The following PPP2R3B variants were observed in gnomAD, a reference collection of about 807,000 sequenced individuals.
PPP2R3B encodes serine/threonine-protein phosphatase 2A regulatory subunit B'' subunit beta.
Under a neutral mutation model 72.9 loss-of-function variants are expected in PPP2R3B, and 68 were observed. The ratio of observed to expected loss-of-function variants is 0.93; its 90% CI spans 0.77 to 1.14. The LOEUF (loss-of-function observed/expected upper bound fraction) is 1.14. Among genes scored for constraint, PPP2R3B ranks in the 50% most tolerant of loss-of-function variants. The probability of loss-of-function intolerance (pLI) is 0.00; values close to 1 mark genes in which losing one functional copy is unlikely to be tolerated. For missense variants in PPP2R3B, 1,018 were observed against 842.0 expected (o/e 1.21, Z -2.59); for synonymous variants, 466 against 375.8 (o/e 1.24, Z -2.78).
At chrX:338,121 G>A (rs1301133639) in intron 12 of PPP2R3B, 3 of 187,986 alleles carry the variant, frequency 1.6e-5, no homozygotes, top group Non-Finnish European at 3.3e-5. Flanking sequence ...AGGCGAACAC[G>A]TCGCAAATAA....
At chrX:380,457 C>T (rs2072098111) in intron 1 of PPP2R3B, among the ~76,000 whole-genome samples, 1 of 152,140 alleles carries the variant, frequency 6.6e-6, no homozygotes, top group Admixed American at 6.6e-5. Flanking sequence ...GAAAATTCCT[C>T]GGCGTCACCA....
chrX:339,375 G>A (rs982574473), intron 10 of PPP2R3B, among the ~76,000 whole-genome samples: 1 of 104,986 alleles, frequency 9.5e-6, no homozygotes, highest in Non-Finnish European at 1.9e-5. Context: ...CAGGCGGCGT[G>A]GACGGTGGGG....
intron 1 of PPP2R3B, among the ~76,000 whole-genome samples, chrX:375,518 T>G (rs1327634547): frequency 7.2e-6 from 1 of 138,180 alleles, no homozygotes; most frequent in Non-Finnish European, 1.5e-5. Context: ...GGGCACAAAC[T>G]CACAGGGCAG....
intron 1 of PPP2R3B, among the ~76,000 whole-genome samples, chrX:377,731 C>A (rs1603134128): frequency 7.3e-6 from 1 of 136,106 alleles, no homozygotes; most frequent in East Asian, 2.3e-4. Context: ...GCCGTCCACA[C>A]CCAGTGGGGC....
chrX:371,651 C>A (rs1022490201), intron 1 of PPP2R3B, among the ~76,000 whole-genome samples: 3 of 152,166 alleles, frequency 2.0e-5, no homozygotes, highest in Middle Eastern at 3.4e-3. Flanking sequence ...CGGCCGGGAG[C>A]GTCCGAAGGC....
intron 7 of PPP2R3B, among the ~76,000 whole-genome samples, chrX:344,707 T>C (rs1252993810): frequency 1.3e-5 from 2 of 152,144 alleles, no homozygotes; most frequent in Non-Finnish European, 2.9e-5. Context: ...AGGGCGCAGG[T>C]GGCTCCCTGA....
intron 1 of PPP2R3B, among the ~76,000 whole-genome samples, chrX:370,165 G>C (rs1041803462): frequency 2.0e-5 from 3 of 152,186 alleles, no homozygotes; most frequent in Non-Finnish European, 4.4e-5. Context: ...AGCCGAACAC[G>C]GAGATGAGAG....
intron 1 of PPP2R3B, among the ~76,000 whole-genome samples, chrX:366,923 G>C (rs1332371441): frequency 1.3e-5 from 2 of 151,782 alleles, no homozygotes; most frequent in South Asian, 4.1e-4. Context: ...AGCTACTTGA[G>C]AGGCTGAGGC....
chrX:367,779 G>A (rs1295905771), intron 1 of PPP2R3B, among the ~76,000 whole-genome samples: 7 of 152,284 alleles, frequency 4.6e-5, no homozygotes, highest in South Asian at 2.1e-4. Context: ...CAGCATTCAC[G>A]TACATGGGAG....
chrX:347,660 G>T lies in PPP2R3B; in HGVS notation c.544C>A (p.Leu182Ile). ...CGCTCCCCGCCGGCGCCATAGAAGA[G>T]CGGCCCCTTCCAGTAGAGGGGGCAG... ...CGCPLYWKGP[L>I]FYGAGGERTG... Residue 182 changes from leucine to isoleucine, a missense_variant, in exon 3 of 13, where the codon CTC becomes ATC. Leu to Ile is a conservative substitution (Grantham distance 5). Transcript: ENST00000390665. The T allele has an allele frequency of 6.4e-7, 1 of 1,563,266 alleles. No homozygotes were observed.
rs1434400830 is a variant in PPP2R3B at position 363,979 on chromosome X, G to A, written c.325-2389C>T. Among the ~76,000 whole-genome samples, 7 of 152,246 alleles carry A rather than the reference G, an allele frequency of 4.6e-5. No individual in the cohort carries two copies. The East Asian group carries it at 5.8e-4, about 13-fold the overall frequency. ...AATAGTTGACAAACGTCTTCTAGACGGCGCCCACAGGCTGGCAGGAAAGGA... is the reference window on the plus strand; with the variant it reads ...AATAGTTGACAAACGTCTTCTAGACAGCGCCCACAGGCTGGCAGGAAAGGA... On this transcript the variant is annotated intron_variant, in intron 1 of 12. Coordinates refer to ENST00000390665, the MANE Select transcript of PPP2R3B (RefSeq NM_013239.5).
Position 354,744 on chromosome X carries a change from G to T in PPP2R3B, c.510+6661C>A, listed in dbSNP as rs766180685. ...CGGGTGCCAGTAGTCACGGCTACTC[G>T]GGAGGGCTGAGGTGGGTGGATCACT... On this transcript the variant is annotated intron_variant, in intron 2 of 12. Transcript: ENST00000390665. 2.0e-3 allele frequency among the ~76,000 whole-genome samples: 304 copies of T among 152,182 alleles called. 1 individual carries two copies. The highest frequency in any genetic ancestry group is 0.01 in the Middle Eastern group (3 of 294).
At chrX:367,447 G>A (rs1453624852) in intron 1 of PPP2R3B, among the ~76,000 whole-genome samples, 4 of 148,196 alleles carry the variant, frequency 2.7e-5, no homozygotes, top group African/African-American at 1.0e-4. Flanking sequence ...TTTCTTTATA[G>A]AGACGGGGTC....
Position 334,091 on chromosome X carries a change from C to CG in PPP2R3B, c.*275dup, listed in dbSNP as rs1399482671. ...GGACCCTTTCCACAGACGCAGGCCC[C>CG]GGAACCCAGGCTGGGTCGGGAACGG... On this transcript the variant is annotated 3_prime_UTR_variant, in exon 13 of 13. Transcript: ENST00000390665. 8.6e-6 allele frequency: 3 copies of CG among 350,208 alleles called. No individual in the cohort carries two copies. Among genetic ancestry groups the CG allele is most frequent in the Admixed American group, 4.9e-5 (1 of 20,412 alleles). 21.7% of individuals were successfully genotyped at this position (350,208 alleles called of 1,614,324 possible).
chrX:364,623 C>G (rs1220155558), intron 1 of PPP2R3B, among the ~76,000 whole-genome samples: 1 of 145,914 alleles, frequency 6.9e-6, no homozygotes, highest in Non-Finnish European at 1.5e-5. Context: ...GAGGCTGAGG[C>G]AGGAGAATCG....
At chrX:336,802 C>T (rs1293407652) in intron 12 of PPP2R3B, 2 of 152,224 alleles carry the variant, frequency 1.3e-5, no homozygotes, top group South Asian at 2.1e-4. Context: ...AGAAGTCTCA[C>T]AACATTCGCA....
intron 1 of PPP2R3B, among the ~76,000 whole-genome samples, chrX:384,299 C>CACTT (rs1556284639): frequency 3.0e-5 from 4 of 133,854 alleles, no homozygotes; most frequent in African/African-American, 1.1e-4. Context: ...TATATATATA[C>CACTT]TTTTTTTTTT....
intron 1 of PPP2R3B, among the ~76,000 whole-genome samples, chrX:381,546 C>T (rs1221018725): frequency 2.6e-5 from 4 of 151,066 alleles, no homozygotes; most frequent in African/African-American, 7.3e-5. Context: ...TCACTGTTAA[C>T]GTGGCCTCGC....
chrX:364,815 G>A (rs372626353), intron 1 of PPP2R3B, among the ~76,000 whole-genome samples: 1,217 of 48,168 alleles, frequency 0.025, 18 homozygotes, highest in African/African-American at 0.043. Flanking sequence ...CACAGGAGGC[G>A]GAGGTTGCAG....
Sources: gnomAD v4.1 joint callset for allele counts (sites outside exome capture counted in the v4.1 genomes callset) on GRCh38, gnomAD v4.1.1 for gene constraint, MANE v1.5 for transcripts, NCBI Gene and HGNC (gene_info 2026-07-23, HGNC 2026-07-21) for gene names.